The following AGBL1 variants were observed in gnomAD, a reference collection of about 807,000 sequenced individuals.
AGBL1 encodes AGBL carboxypeptidase 1, also known as cytosolic carboxypeptidase 4.
Under a neutral mutation model 118.9 loss-of-function variants are expected in AGBL1, and 130 were observed. The observed-to-expected ratio is 1.09, with a 90% CI of 0.95 to 1.26. The LOEUF (loss-of-function observed/expected upper bound fraction) is 1.26. AGBL1 is among the 50% of genes most tolerant of loss of function. The pLI is 0.00. For synonymous variants in AGBL1, 555 were observed against 478.9 expected, an observed-to-expected ratio of 1.16 and a Z score of -2.08; for missense variants, 1,584 against 1,298.1, an observed-to-expected ratio of 1.22 and a Z score of -3.38.
chr15:86,956,508 G>A (rs914147356), intron 23 of AGBL1, among the ~76,000 whole-genome samples: 1 of 151,958 alleles, frequency 6.6e-6, no homozygotes, highest in Non-Finnish European at 1.5e-5. Flanking sequence ...GTAAAAACTA[G>A]ATTCAAGCAA....
rs386383698 is a variant in AGBL1, at chr15:86,838,941, TAAAAAAAA to T, written c.3159-68128_3159-68121del. Among the ~76,000 whole-genome samples the T allele has an allele frequency of 1.5e-4, 7 of 48,006 alleles. No homozygotes were observed. In the South Asian group the frequency reaches 5.1e-3, roughly 35 times the overall value. 31.5% of individuals were successfully genotyped at this position (48,006 alleles called of 152,430 possible). A position where few individuals can be genotyped will look rare whatever the true frequency, so the allele number is the denominator to read the frequency against. On this transcript the variant is annotated intron_variant, in intron 22 of 22. Transcript: ENST00000614907. ...CCCCGGGCAACAGAATGAGATCCTG[TAAAAAAAA>T]AAAAAAAAAAAAAAAAAGAAAGAAA...
chr15:86,740,674 A>T (rs755795249), intron 22 of AGBL1, among the ~76,000 whole-genome samples: 6 of 152,204 alleles, frequency 3.9e-5, no homozygotes, highest in Non-Finnish European at 8.8e-5. Flanking sequence ...AAATGGCTTC[A>T]TGGGGAGCTG....
intron 16 of AGBL1, among the ~76,000 whole-genome samples, chr15:86,290,092 C>G (rs1242673523): frequency 1.3e-5 from 2 of 152,146 alleles, no homozygotes; most frequent in East Asian, 3.9e-4. Flanking sequence ...CATTTTGTTC[C>G]ACCTTTTTCC....
At chr15:86,796,237 GA>G (rs1402348413) in intron 22 of AGBL1, among the ~76,000 whole-genome samples, 2 of 152,200 alleles carry the variant, frequency 1.3e-5, no homozygotes, top group Non-Finnish European at 1.5e-5. Context: ...TGGGAAAAGT[GA>G]AGAGATGAGT....
intron 23 of AGBL1, among the ~76,000 whole-genome samples, chr15:86,953,831 T>G (rs1298046391): frequency 6.6e-6 from 1 of 152,166 alleles, no homozygotes; most frequent in Non-Finnish European, 1.5e-5. Context: ...GAAGAGTCTT[T>G]AGGGTTTTCT....
intron 5 of AGBL1, among the ~76,000 whole-genome samples, chr15:86,190,691 C>T (rs72752108): frequency 0.11 from 17,213 of 152,126 alleles, 1,272 homozygotes; most frequent in Middle Eastern, 0.21. Flanking sequence ...TACCTCCAAC[C>T]GAACATCTGA....
chr15:86,441,506 G>A (rs1163723251), intron 18 of AGBL1, among the ~76,000 whole-genome samples: 5 of 152,168 alleles, frequency 3.3e-5, no homozygotes, highest in Admixed American at 6.5e-5. Flanking sequence ...CATCGAAGAC[G>A]GTGTGAGAGT....
rs1005596618 is a variant in AGBL1, at chr15:86,910,761, A to AT, written c.*3471dup. On this transcript the variant is annotated 3_prime_UTR_variant, in exon 23 of 23. Transcript: ENST00000614907. ...AGAGAGGTGTACCTAACACTTGGTG[A>AT]TTTTGGGGACACAGGTGAATGTCCT... 6.6e-6 allele frequency: 1 copy of AT among 152,188 alleles called. No homozygotes were observed. The highest frequency in any genetic ancestry group is 2.4e-5 in the African/African-American group (1 of 41,446). 9.4% of individuals were successfully genotyped at this position (152,188 alleles called of 1,614,324 possible). A position where few individuals can be genotyped will look rare whatever the true frequency, so the allele number is the denominator to read the frequency against.
At chr15:86,664,605 T>G (rs2142524660) in intron 21 of AGBL1, among the ~76,000 whole-genome samples, 1 of 151,884 alleles carries the variant, frequency 6.6e-6, no homozygotes, top group Non-Finnish European at 1.5e-5. Flanking sequence ...TTGCTGGGGG[T>G]TTACCTCCCC....
chr15:86,678,524 T>G (rs2085890287), intron 22 of AGBL1, among the ~76,000 whole-genome samples: 1 of 152,148 alleles, frequency 6.6e-6, no homozygotes, highest in African/African-American at 2.4e-5. Flanking sequence ...TTAATTTTAA[T>G]TTCTGTGTTA....
rs141512570 is a variant in AGBL1 at position 86,635,125 on chromosome 15, A to G, written c.2995-39148A>G. Among the ~76,000 whole-genome samples the G allele has an allele frequency of 1.6e-3, 243 of 152,296 alleles. 3 individuals are homozygous for G. In the Middle Eastern group the frequency reaches 0.017, roughly 11 times the overall value. The stretch of plus-strand genomic sequence containing the variant: ...TCATTTAAGAGGCTGTGGAGAAGAG[A>G]AAAGAATGAGTGCTTCCTTCATATT... On this transcript the variant is annotated intron_variant, in intron 21 of 22. Coordinates refer to ENST00000614907, the MANE Select transcript of AGBL1 (RefSeq NM_001386094.1).
intron 16 of AGBL1, among the ~76,000 whole-genome samples, chr15:86,287,393 G>A (rs2079471264): frequency 6.6e-6 from 1 of 152,018 alleles, no homozygotes; most frequent in Non-Finnish European, 1.5e-5. Context: ...TTGTTTGTCT[G>A]TGCTCTTGGG....
At chr15:86,080,180 A>G in intron 1 of AGBL1, 157 bp downstream of exon 1, 1 of 433,568 alleles carries the variant, frequency 2.3e-6, no homozygotes, top group East Asian at 3.5e-5. Context: ...AAGCTGACCT[A>G]AGTGATGCTA....
chr15:86,541,593 C>CAAAA (rs34178328), intron 19 of AGBL1, among the ~76,000 whole-genome samples: 12 of 58,188 alleles, frequency 2.1e-4, no homozygotes, highest in African/African-American at 4.2e-4. Flanking sequence ...GACTATGTCT[C>CAAAA]AAAAAAAAAA....
intron 18 of AGBL1, among the ~76,000 whole-genome samples, chr15:86,443,434 A>G (rs1307263237): frequency 2.0e-5 from 3 of 152,208 alleles, no homozygotes; most frequent in African/African-American, 7.2e-5. Flanking sequence ...ATCACTTCAA[A>G]TATTTATCAT....
At chr15:86,129,695 A>C (rs895030089) in intron 1 of AGBL1, among the ~76,000 whole-genome samples, 1 of 152,282 alleles carries the variant, frequency 6.6e-6, no homozygotes, top group East Asian at 1.9e-4. Flanking sequence ...ACTGCTAAAC[A>C]TCTTGCAATA....
At chr15:86,506,413 G>A (rs563086962) in intron 18 of AGBL1, among the ~76,000 whole-genome samples, 1 of 152,128 alleles carries the variant, frequency 6.6e-6, no homozygotes, top group South Asian at 2.1e-4. Context: ...ATGATGTTTA[G>A]CAATTGCCTC....
At chr15:86,290,858 A>C (rs144349289) in intron 16 of AGBL1, among the ~76,000 whole-genome samples, 1 of 151,014 alleles carries the variant, frequency 6.6e-6, no homozygotes, top group African/African-American at 2.4e-5. Flanking sequence ...ACCCCACAAC[A>C]GTCCCTAGAG....
At chr15:87,004,445 GCCTT>G (rs1453002895) in intron 24 of AGBL1, among the ~76,000 whole-genome samples, 3 of 152,056 alleles carry the variant, frequency 2.0e-5, no homozygotes, top group Non-Finnish European at 4.4e-5. Context: ...TTATGTAATG[GCCTT>G]CCTTGTCTCT....
Sources: gnomAD v4.1 joint callset for allele counts (sites outside exome capture counted in the v4.1 genomes callset) on GRCh38, gnomAD v4.1.1 for gene constraint, MANE v1.5 for transcripts, NCBI Gene and HGNC (gene_info 2026-07-23, HGNC 2026-07-21) for gene names.